PRKN: variants seen among roughly 807,000 people sequenced by gnomAD.
The protein encoded by PRKN is parkin RBR E3 ubiquitin protein ligase, also known as E3 ubiquitin-protein ligase parkin.
Under a neutral mutation model 59.5 loss-of-function variants are expected in PRKN, and 56 were observed. The ratio of observed to expected loss-of-function variants is 0.94; its 90% CI spans 0.76 to 1.18. The LOEUF (loss-of-function observed/expected upper bound fraction) is 1.18. Ranked by LOEUF, PRKN falls within the 50% of genes most tolerant of loss-of-function variation. PRKN has a pLI of 0.00. For synonymous variants in PRKN, 250 were observed against 222.1 expected, an observed-to-expected ratio of 1.13 and a Z score of -1.12; for missense variants, 657 against 596.4, an observed-to-expected ratio of 1.10 and a Z score of -1.06.
At chr6:162,171,880 A>G (rs911600996) in intron 4 of PRKN, among the ~76,000 whole-genome samples, 2 of 152,172 alleles carry the variant, frequency 1.3e-5, no homozygotes, top group African/African-American at 4.8e-5. Context: ...GGGGACTGGA[A>G]CATATAAGGT....
At position 161,549,677 on chromosome 6, in the gene PRKN, T is replaced by G. The variant is rs539979186; in HGVS notation, c.934-674A>C. Among the ~76,000 whole-genome samples, 5 of 152,322 alleles carry G rather than the reference T, an allele frequency of 3.3e-5. No individual in the cohort carries two copies. The East Asian group carries it at 9.6e-4, about 29-fold the overall frequency. On this transcript the variant is annotated intron_variant, in intron 8 of 11. Transcript: ENST00000366898. This position sits in a 1 kb window ranked among gnomAD's most constrained non-coding sequence, Gnocchi z 6.0. ...CCCAGCCTGCAAATAAATTCCAAAC[T>G]CCATCAGACCATTTTCAAGGTCTTC...
chr6:161,594,824 G>GA (rs933685268), intron 7 of PRKN, among the ~76,000 whole-genome samples: 19 of 151,736 alleles, frequency 1.3e-4, no homozygotes, highest in Admixed American at 1.1e-3. Context: ...GTGAAGAAAA[G>GA]AAAAAAATAA....
intron 7 of PRKN, among the ~76,000 whole-genome samples, chr6:161,573,796 A>ATAT (rs1562535152): frequency 1.8e-4 from 19 of 105,908 alleles, no homozygotes; most frequent in East Asian, 5.3e-4. Context: ...ATATATATAT[A>ATAT]AAACTTCATT....
chr6:161,396,130 C>T lies in PRKN; in HGVS notation c.1084-9253G>A, dbSNP rs1213592462. ...TGCTGTATGCTCTCGGTCCCTAATC[C>T]CCCGCCTCTTTTCTTACTTTCTCTT... On this transcript the variant is annotated intron_variant, in intron 9 of 11. Coordinates refer to ENST00000366898, the MANE Select transcript of PRKN (RefSeq NM_004562.3). The surrounding 1 kb of genome is among the most constrained non-coding windows in gnomAD (Gnocchi z 5.4). Among the ~76,000 whole-genome samples the T allele has an allele frequency of 1.3e-5, 2 of 152,132 alleles. No individual in the cohort carries two copies. The highest frequency in any genetic ancestry group is 1.9e-4 in the East Asian group (1 of 5,200).
chr6:161,908,718 C>G (rs1778244424), intron 6 of PRKN, among the ~76,000 whole-genome samples: 1 of 150,858 alleles, frequency 6.6e-6, no homozygotes, highest in African/African-American at 2.4e-5. Flanking sequence ...TTAGCAATAA[C>G]AAAATTAAAG....
At chr6:162,342,215 A>C (rs1316540171) in intron 2 of PRKN, among the ~76,000 whole-genome samples, 1 of 152,040 alleles carries the variant, frequency 6.6e-6, no homozygotes. Context: ...GTGATGCTGA[A>C]CTCAGTTTCT....
At chr6:161,754,214 G>A (rs756283860) in intron 7 of PRKN, among the ~76,000 whole-genome samples, 3 of 152,054 alleles carry the variant, frequency 2.0e-5, no homozygotes, top group Non-Finnish European at 2.9e-5. Context: ...GTAGGCGGGT[G>A]AGACAAATGA....
At chr6:162,701,159 A>C (rs1442475885) in intron 1 of PRKN, among the ~76,000 whole-genome samples, 1 of 152,168 alleles carries the variant, frequency 6.6e-6, no homozygotes. Flanking sequence ...CAAATTTATG[A>C]AATGTGATTT....
In PRKN at chr6:161,973,327, T is replaced by G. The variant is rs1473499076; in HGVS notation, c.709A>C (p.Thr237Pro). ...CTGACGTCTGTGCACGTAATGCAAG[T>G]GATGTTCCGACTATTTGTTGCGATC... The part of the protein sequence containing the change: ...HLIATNSRNI[T>P]CITCTDVRSP... Residue 237 changes from threonine (T) to proline (P), a missense_variant, in exon 6 of 12, where the codon ACT becomes CCT. Transcript: ENST00000366898. The G allele has an allele frequency of 6.2e-7, 1 of 1,613,044 alleles. No individual in the cohort carries two copies.
At chr6:162,276,388 T>A (rs1780638164) in intron 2 of PRKN, among the ~76,000 whole-genome samples, 2 of 152,178 alleles carry the variant, frequency 1.3e-5, no homozygotes, top group African/African-American at 2.4e-5. Flanking sequence ...TGTCTTGGGA[T>A]GTACCTCATT....
chr6:162,410,419 G>A (rs1239223174), intron 2 of PRKN, among the ~76,000 whole-genome samples: 1 of 152,202 alleles, frequency 6.6e-6, no homozygotes, highest in African/African-American at 2.4e-5. Flanking sequence ...CACATGGAAA[G>A]TCCACACCCT....
chr6:161,512,600 T>C (rs1583173110), intron 9 of PRKN, among the ~76,000 whole-genome samples: 1 of 152,280 alleles, frequency 6.6e-6, no homozygotes. Flanking sequence ...CCTGGTGAAT[T>C]GGTATACAAG....
chr6:161,899,901 T>C (rs1038168409), intron 6 of PRKN, among the ~76,000 whole-genome samples: 5 of 152,046 alleles, frequency 3.3e-5, no homozygotes, highest in Admixed American at 1.3e-4. Flanking sequence ...GGTGGGCAGA[T>C]CACTTGAGGT....
chr6:161,855,914 A>G (rs1348786026), intron 6 of PRKN, among the ~76,000 whole-genome samples: 1 of 152,222 alleles, frequency 6.6e-6, no homozygotes, highest in African/African-American at 2.4e-5. Context: ...CATCCCAAGG[A>G]TTTAAGAATA....
In PRKN at chr6:161,379,473, G is replaced by C. The variant is rs547997489; in HGVS notation, c.1167+7321C>G. On this transcript the variant is annotated intron_variant, in intron 10 of 11. Coordinates refer to ENST00000366898, the MANE Select transcript of PRKN (RefSeq NM_004562.3). This position sits in a 1 kb window ranked among gnomAD's most constrained non-coding sequence, Gnocchi z 4.9. ...AAGCAAATGTCTCCAGGCAGTGCAA[G>C]GGGCAGACGACAGCAGATGCTGTGA... 1.2e-4 allele frequency among the ~76,000 whole-genome samples: 18 copies of C among 152,320 alleles called. No homozygotes were observed. Among genetic ancestry groups the C allele is most frequent in the Non-Finnish European group, 2.4e-4 (16 of 68,020 alleles).
intron 4 of PRKN, among the ~76,000 whole-genome samples, chr6:162,128,202 C>T (rs1279367492): frequency 6.6e-6 from 1 of 152,164 alleles, no homozygotes; most frequent in Non-Finnish European, 1.5e-5. Context: ...ACAGCATTGC[C>T]AGTACCTTAC....
At chr6:162,051,034 C>T (rs1436513082) in intron 5 of PRKN, among the ~76,000 whole-genome samples, 2 of 152,152 alleles carry the variant, frequency 1.3e-5, no homozygotes, top group African/African-American at 4.8e-5. Flanking sequence ...AGGAACCACA[C>T]ACGTCCTACA....
At chr6:161,631,547 A>T (rs1436655975) in intron 7 of PRKN, among the ~76,000 whole-genome samples, 1 of 152,168 alleles carries the variant, frequency 6.6e-6, no homozygotes, top group East Asian at 1.9e-4. Flanking sequence ...TGGAAAAATA[A>T]TTGCCTATGG....
intron 1 of PRKN, among the ~76,000 whole-genome samples, chr6:162,635,382 G>A (rs1317824321): frequency 6.6e-6 from 1 of 152,136 alleles, no homozygotes; most frequent in African/African-American, 2.4e-5. Context: ...GCAATGAAAT[G>A]TTTGGCTTTT....
Sources: gnomAD v4.1 joint callset for allele counts (sites outside exome capture counted in the v4.1 genomes callset) on GRCh38, gnomAD v4.1.1 for gene constraint, Gnocchi (gnomAD v3.1) non-coding constraint, MANE v1.5 for transcripts, NCBI Gene and HGNC (gene_info 2026-07-23, HGNC 2026-07-21) for gene names.